The following SESN3 variants were observed in gnomAD, a reference collection of about 807,000 sequenced individuals.
SESN3 encodes the protein sestrin-3.
In SESN3, 21 loss-of-function variants were observed where a neutral mutation model predicts 55.3. The observed-to-expected ratio is 0.38, with a 90% CI of 0.27 to 0.55. The LOEUF (loss-of-function observed/expected upper bound fraction) is 0.55, where lower values mean the gene tolerates loss of function less well. SESN3 is among the 20% of genes least tolerant of loss of function. The probability of loss-of-function intolerance (pLI) is 0.76; values close to 1 mark genes in which losing one functional copy is unlikely to be tolerated. For missense variants in SESN3, 408 were observed against 604.3 expected, an observed-to-expected ratio of 0.68 and a Z score of 3.41; for synonymous variants, 181 against 203.1, an observed-to-expected ratio of 0.89 and a Z score of 0.93.
chr11:95,191,488 C>A lies in SESN3; in HGVS notation c.258G>T (p.Leu86=). The part of the protein sequence containing the change: ...TQVMSLHTQY[L]ESFLRSQFYM... ...AAAACTGGCTCCGCAAGAAAGACTC[C>A]AGGTACTGAGTGTGTAAACTCATGA... is the stretch of plus-strand genomic sequence containing the variant. The change falls in exon 3 of 10, where the codon CTG becomes CTT. Residue 86 remains leucine, a synonymous_variant. Coordinates refer to ENST00000536441, the MANE Select transcript of SESN3 (RefSeq NM_144665.4). 15 of 1,612,956 alleles carry A rather than the reference C, an allele frequency of 9.3e-6. No homozygotes were observed. Among genetic ancestry groups the A allele is most frequent in the Non-Finnish European group, 1.3e-5 (15 of 1,179,270 alleles).
intron 1 of SESN3, among the ~76,000 whole-genome samples, chr11:95,214,684 C>G (rs1443524672): frequency 6.6e-6 from 1 of 151,990 alleles, no homozygotes; most frequent in African/African-American, 2.4e-5. Flanking sequence ...ATATCAATCC[C>G]AAATCTGTCA....
intron 1 of SESN3, among the ~76,000 whole-genome samples, chr11:95,198,927 A>G (rs1860413211): frequency 6.6e-6 from 1 of 151,946 alleles, no homozygotes; most frequent in Non-Finnish European, 1.5e-5. Context: ...ATAAACATGT[A>G]CTAAAGTACT....
rs548041652 is a variant in SESN3 at position 95,206,943 on chromosome 11, A to AT, written c.79-13422dup. On this transcript the variant is annotated intron_variant, in intron 1 of 9. Coordinates refer to ENST00000536441, the MANE Select transcript of SESN3 (RefSeq NM_144665.4). ...CCCGAGTAGCTGGGACTACAGAGGCATTTTTTTTTGTATTTCTAGTAGAGA... is the reference window on the plus strand; with the variant it reads ...CCCGAGTAGCTGGGACTACAGAGGCATTTTTTTTTTGTATTTCTAGTAGAGA... Among the ~76,000 whole-genome samples the AT allele has an allele frequency of 6.8e-4, 102 of 150,372 alleles. 1 individual carries two copies. The highest frequency in any genetic ancestry group is 1.5e-3 in the African/African-American group (63 of 41,002).
rs373877111 is a variant in SESN3 at position 95,230,701 on chromosome 11, G to C, written c.78+82C>G. 7 of 1,040,722 alleles carry C rather than the reference G, an allele frequency of 6.7e-6. No individual in the cohort carries two copies. Among genetic ancestry groups the C allele is most frequent in the South Asian group, 4.1e-5 (3 of 73,976 alleles). 64.5% of individuals were successfully genotyped at this position (1,040,722 alleles called of 1,614,324 possible). ...CGGGGATCCCTCTCAGCCTCCCCCAGTGCGCGCCCGGGGACGAGCCGCCCG... is the reference window on the plus strand; with the variant it reads ...CGGGGATCCCTCTCAGCCTCCCCCACTGCGCGCCCGGGGACGAGCCGCCCG... On this transcript the variant is annotated intron_variant, in intron 1 of 9. Transcript: ENST00000536441. This position sits in a 1 kb window ranked among gnomAD's most constrained non-coding sequence, Gnocchi z 4.6.
At chr11:95,191,287 CT>C (rs1860263381) in intron 3 of SESN3, 116 bp downstream of exon 3, 2 of 810,352 alleles carry the variant, frequency 2.5e-6, no homozygotes, top group African/African-American at 3.4e-5. Flanking sequence ...TTCTTCAGTT[CT>C]TATGTCCATA....
At chr11:95,221,725 C>T (rs73530849) in intron 1 of SESN3, among the ~76,000 whole-genome samples, 2,893 of 152,226 alleles carry the variant, frequency 0.019, 100 homozygotes, top group African/African-American at 0.066. Context: ...GCCTGTCATA[C>T]CTTATTAGAA....
chr11:95,182,686 C>G (rs1028703664), intron 6 of SESN3, among the ~76,000 whole-genome samples: 4 of 152,134 alleles, frequency 2.6e-5, no homozygotes, highest in Admixed American at 6.6e-5. Flanking sequence ...CTCAAAATGT[C>G]CAAAATACGG....
intron 1 of SESN3, chr11:95,201,184 A>G: frequency 6.6e-6 from 1 of 152,060 alleles, no homozygotes; most frequent in Non-Finnish European, 1.5e-5. Flanking sequence ...AAGAACCATT[A>G]CATAAATTTT....
Position 95,171,155 on chromosome 11 carries a change from A to G in SESN3, c.*2100T>C, listed in dbSNP as rs1591040534. 6.6e-6 allele frequency: 1 copy of G among 152,170 alleles called. No individual in the cohort carries two copies. The highest frequency in any genetic ancestry group is 6.5e-5 in the Admixed American group (1 of 15,278). The allele number at this position is 152,170 out of a possible 1,614,324, so 9.4% of individuals were successfully genotyped here. On this transcript the variant is annotated 3_prime_UTR_variant, in exon 10 of 10. Transcript: ENST00000536441. ...AAAAACAAATTCAAGAATAAATGAC[A>G]TCCTCAACTTGAAAGTTGTGAAGTT... is the stretch of plus-strand genomic sequence containing the variant.
At position 95,230,848 on chromosome 11, in the gene SESN3, C is replaced by A; in HGVS notation, c.13G>T (p.Gly5Cys). The A allele has an allele frequency of 2.5e-6, 4 of 1,581,800 alleles. No individual in the cohort carries two copies. The highest frequency in any genetic ancestry group is 3.4e-6 in the Non-Finnish European group (4 of 1,168,894). Residue 5 changes from glycine (G) to cysteine (C), a missense_variant, in exon 1 of 10, where the codon GGC (glycine) becomes TGC (cysteine). Coordinates refer to ENST00000536441, the MANE Select transcript of SESN3 (RefSeq NM_144665.4). The surrounding 1 kb of genome is among the most constrained non-coding windows in gnomAD (Gnocchi z 4.6). ...TTGGCGGCGGCCGACGGGCTGCCGC[C>A]GCCCCGGTTCATCGTGGCTGCGGGC... MNRGGGSPSAAANYL... is the reference protein window; with the variant it reads MNRGCGSPSAAANYL...
intron 9 of SESN3, among the ~76,000 whole-genome samples, chr11:95,175,291 G>A (rs1412418936): frequency 6.6e-6 from 1 of 152,182 alleles, no homozygotes; most frequent in Non-Finnish European, 1.5e-5. Flanking sequence ...TTGAACCCGG[G>A]AAGTGGAGGT....
intron 1 of SESN3, among the ~76,000 whole-genome samples, chr11:95,222,718 AAGG>A (rs1270584805): frequency 1.3e-5 from 2 of 152,336 alleles, no homozygotes; most frequent in East Asian, 3.9e-4. Context: ...CAGAGGATAG[AAGG>A]AGAAGGAAGA....
chr11:95,170,578 C>T lies in SESN3; in HGVS notation c.*2677G>A, dbSNP rs920414427. 1 of 152,082 alleles carries T rather than the reference C, an allele frequency of 6.6e-6. No homozygotes were observed. The highest frequency in any genetic ancestry group is 6.5e-5 in the Admixed American group (1 of 15,272). The allele number at this position is 152,082 out of a possible 1,614,324, so 9.4% of individuals were successfully genotyped here. The stretch of plus-strand genomic sequence containing the variant: ...ATATAAAAAGCTATACTATAAATTA[C>T]TAAATAGTAAATTCAATACTCTGAA... On this transcript the variant is annotated 3_prime_UTR_variant, in exon 10 of 10. Coordinates refer to ENST00000536441, the MANE Select transcript of SESN3 (RefSeq NM_144665.4).
Position 95,168,680 on chromosome 11 carries a change from T to C in SESN3, c.*4575A>G, listed in dbSNP as rs561248631. ...TGTCTAGGGCAAAGGTTAGCCAAAA[T>C]ATAGCTGGATGGTTGAGGGATTTAG... On this transcript the variant is annotated 3_prime_UTR_variant, in exon 10 of 10. Coordinates refer to ENST00000536441, the MANE Select transcript of SESN3 (RefSeq NM_144665.4). The C allele has an allele frequency of 6.6e-6, 1 of 152,334 alleles. No individual in the cohort carries two copies. Among genetic ancestry groups the C allele is most frequent in the East Asian group, 1.9e-4 (1 of 5,180 alleles). 9.4% of individuals were successfully genotyped at this position (152,334 alleles called of 1,614,324 possible).
At position 95,191,567 on chromosome 11, in the gene SESN3, T is replaced by A. The variant is rs1447332984; in HGVS notation, c.179A>T (p.Asn60Ile). Residue 60 changes from asparagine (N) to isoleucine (I), a missense_variant, in exon 3 of 10, where the codon AAC (asparagine) becomes ATC (isoleucine). Transcript: ENST00000536441. ...TGTAGAGTATTCTTCCACAAGAAAG[T>A]TAGTACGTTCATCCACTGTGTTTGC... ...VQANTVDERT[N>I]FLVEEYSTSG... 2.5e-6 allele frequency: 4 copies of A among 1,612,776 alleles called. No individual in the cohort carries two copies. Among genetic ancestry groups the A allele is most frequent in the Non-Finnish European group, 1.7e-6 (2 of 1,179,174 alleles).
At chr11:95,210,546 G>C (rs1047831034) in intron 1 of SESN3, among the ~76,000 whole-genome samples, 1 of 152,050 alleles carries the variant, frequency 6.6e-6, no homozygotes, top group Non-Finnish European at 1.5e-5. Context: ...TAAGGTGGAG[G>C]GTAGATGTTT....
At position 95,207,851 on chromosome 11, in the gene SESN3, T is replaced by G. The variant is rs377143096; in HGVS notation, c.79-14329A>C. Among the ~76,000 whole-genome samples, 175 of 148,278 alleles carry G rather than the reference T, an allele frequency of 1.2e-3. 4 individuals carry two copies. The highest frequency in any genetic ancestry group is 3.9e-3 in the African/African-American group (151 of 38,294). ...TTTTTGTTTTGTTTTGTTTTGTTTT[T>G]TTTGTAGAGACTGGGTTTCATCATG... On this transcript the variant is annotated intron_variant, in intron 1 of 9. Coordinates refer to ENST00000536441, the MANE Select transcript of SESN3 (RefSeq NM_144665.4).
intron 2 of SESN3, among the ~76,000 whole-genome samples, chr11:95,192,066 TA>T (rs985578771): frequency 1.3e-4 from 19 of 151,862 alleles, no homozygotes; most frequent in African/African-American, 3.9e-4. Context: ...TGATTTAACA[TA>T]AAAAAAACTT....
chr11:95,210,383 C>T (rs1417817043), intron 1 of SESN3, among the ~76,000 whole-genome samples: 1 of 152,128 alleles, frequency 6.6e-6, no homozygotes, highest in Non-Finnish European at 1.5e-5. Context: ...ATGTATATGG[C>T]ACTCTACCTT....
Sources: gnomAD v4.1 joint callset for allele counts (sites outside exome capture counted in the v4.1 genomes callset) on GRCh38, gnomAD v4.1.1 for gene constraint, Gnocchi (gnomAD v3.1) non-coding constraint, MANE v1.5 for transcripts, NCBI Gene and HGNC (gene_info 2026-07-23, HGNC 2026-07-21) for gene names.